The following JAKMIP1 variants were observed in gnomAD, a reference collection of about 807,000 sequenced individuals.
JAKMIP1 encodes janus kinase and microtubule-interacting protein 1.
In JAKMIP1, 33 loss-of-function variants were observed where a neutral mutation model predicts 113.0. The ratio of observed to expected loss-of-function variants is 0.29; its 90% CI spans 0.22 to 0.39. The LOEUF is 0.39. Ranked by LOEUF, JAKMIP1 falls within the 10% of genes least tolerant of loss-of-function variation. The pLI is 1.00. For missense variants in JAKMIP1, 813 were observed against 1,080.5 expected (o/e 0.75, Z 3.47); for synonymous variants, 480 against 459.9 (o/e 1.04, Z -0.56).
At position 6,186,177 on chromosome 4, in the gene JAKMIP1, C is replaced by T. The variant is rs903446145; in HGVS notation, c.-148+14076G>A. On this transcript the variant is annotated intron_variant, in intron 1 of 20. Transcript: ENST00000409021. The surrounding 1 kb of genome is among the most constrained non-coding windows in gnomAD (Gnocchi z 5.5). ...GAAGTGAGGGGAATGCAGGAACAGC[C>T]GACGAGGCTTCCCTGGAGCTTGCCA... Among the ~76,000 whole-genome samples, 4 of 152,112 alleles carry T rather than the reference C, an allele frequency of 2.6e-5. No individual in the cohort carries two copies. The highest frequency in any genetic ancestry group is 2.1e-4 in the South Asian group (1 of 4,818).
chr4:6,138,046 CCAGCTCTGGGGTGA>C lies in JAKMIP1; in HGVS notation c.-147-25063_-147-25050del, dbSNP rs1719516313. Among the ~76,000 whole-genome samples, 3 of 152,278 alleles carry C rather than the reference CCAGCTCTGGGGTGA, an allele frequency of 2.0e-5. No individual in the cohort carries two copies. In the South Asian group the frequency reaches 6.2e-4, roughly 32 times the overall value. ...GGCAGAGGTGGCAGCTCCCGAGAGG[CCAGCTCTGGGGTGA>C]CACTCTGGGGGTCAAGCCTAAGCCC... On this transcript the variant is annotated intron_variant, in intron 1 of 20. Transcript: ENST00000409021. The surrounding 1 kb of genome is among the most constrained non-coding windows in gnomAD (Gnocchi z 6.0).
At chr4:6,084,561 C>T (rs1010083526) in intron 5 of JAKMIP1, among the ~76,000 whole-genome samples, 5 of 151,944 alleles carry the variant, frequency 3.3e-5, no homozygotes, top group South Asian at 2.1e-4. Flanking sequence ...TGATTTTTTT[C>T]GGTTTCGGTT....
At chr4:6,062,027 CTT>C (rs1403215772) in intron 10 of JAKMIP1, among the ~76,000 whole-genome samples, 1 of 152,222 alleles carries the variant, frequency 6.6e-6, no homozygotes. Context: ...GATTTCATCA[CTT>C]AGTGTTAAAT....
chr4:6,147,150 C>T (rs1720952090), intron 1 of JAKMIP1, among the ~76,000 whole-genome samples: 1 of 152,064 alleles, frequency 6.6e-6, no homozygotes. Flanking sequence ...TTAGTAGAGA[C>T]AGGGTTTCAC....
intron 1 of JAKMIP1, among the ~76,000 whole-genome samples, chr4:6,173,819 T>C (rs917477390): frequency 2.6e-5 from 4 of 152,170 alleles, no homozygotes; most frequent in African/African-American, 9.7e-5. Context: ...CTCACGCCTG[T>C]AATCCCAGCA....
intron 1 of JAKMIP1, among the ~76,000 whole-genome samples, chr4:6,198,933 T>G (rs1214069725): frequency 6.6e-6 from 1 of 152,188 alleles, no homozygotes; most frequent in African/African-American, 2.4e-5. Flanking sequence ...ACATTCACTG[T>G]GGGTGGAGCC....
At chr4:6,043,395 G>C (rs918582873) in intron 16 of JAKMIP1, among the ~76,000 whole-genome samples, 1 of 151,852 alleles carries the variant, frequency 6.6e-6, no homozygotes, top group East Asian at 1.9e-4. Flanking sequence ...CCCCGCACTC[G>C]TGAGGTCCTG....
intron 19 of JAKMIP1, among the ~76,000 whole-genome samples, chr4:6,035,547 C>T (rs1013254231): frequency 6.6e-6 from 1 of 152,288 alleles, no homozygotes; most frequent in Non-Finnish European, 1.5e-5. Flanking sequence ...CTCCAATGAG[C>T]CGCCATCACA....
At position 6,105,881 on chromosome 4, in the gene JAKMIP1, G is replaced by A; in HGVS notation, c.216C>T (p.Leu72=). ...QRRHTAYISE[L]KAKLHEEKTK... is the part of the protein sequence containing the mutation. The stretch of plus-strand genomic sequence containing the variant: ...TCTTCTCCTCATGCAGCTTGGCCTT[G>A]AGCTCCGAAATGTAGGCCGTGTGCC... The change falls in exon 3 of 21, where the codon CTC becomes CTT. Residue 72 remains leucine, a synonymous_variant. Transcript: ENST00000409021. 1 of 1,612,180 alleles carries A rather than the reference G, an allele frequency of 6.2e-7. No homozygotes were observed. The highest frequency in any genetic ancestry group is 8.5e-7 in the Non-Finnish European group (1 of 1,179,860).
At chr4:6,104,931 C>T (rs1165518627) in intron 3 of JAKMIP1, among the ~76,000 whole-genome samples, 3 of 152,164 alleles carry the variant, frequency 2.0e-5, no homozygotes, top group Admixed American at 6.5e-5. Flanking sequence ...ATCCTCAGCC[C>T]GCACCCAGAA....
chr4:6,128,448 G>A (rs1357180410), intron 1 of JAKMIP1, among the ~76,000 whole-genome samples: 2 of 152,180 alleles, frequency 1.3e-5, no homozygotes, highest in African/African-American at 2.4e-5. Context: ...AAGGGACCAG[G>A]AGCGGGGAGG....
At position 6,059,136 on chromosome 4, in the gene JAKMIP1, G is replaced by A. The variant is rs531335749; in HGVS notation, c.1644+1288C>T. On this transcript the variant is annotated intron_variant, in intron 11 of 20. Coordinates refer to ENST00000409021, the MANE Select transcript of JAKMIP1 (RefSeq NM_001099433.2). The surrounding 1 kb of genome is among the most constrained non-coding windows in gnomAD (Gnocchi z 4.8). The stretch of plus-strand genomic sequence containing the variant: ...CTATAGCATGTGAGCTCTGCGTCAC[G>A]ATCCCACCGCATGGAGGATGCAGAC... 7.9e-5 allele frequency among the ~76,000 whole-genome samples: 12 copies of A among 152,316 alleles called. No homozygotes were observed. In the East Asian group the frequency reaches 9.6e-4, roughly 12 times the overall value.
intron 3 of JAKMIP1, among the ~76,000 whole-genome samples, chr4:6,091,452 C>T (rs991215405): frequency 2.0e-5 from 3 of 152,220 alleles, no homozygotes; most frequent in African/African-American, 4.8e-5. Context: ...CTATAAGCTG[C>T]TACATGCTTT....
chr4:6,114,131 G>A (rs768488676), intron 1 of JAKMIP1, among the ~76,000 whole-genome samples: 5 of 152,210 alleles, frequency 3.3e-5, no homozygotes, highest in African/African-American at 9.7e-5. Context: ...TCAGTGAGTC[G>A]TGGCGTTGGG....
chr4:6,116,895 G>C lies in JAKMIP1; in HGVS notation c.-147-3898C>G, dbSNP rs1307995178. ...ATCACCTGTCACGGGCAGGCGGTGG[G>C]GAGGGCAAACTGCCAGACCACGTGG... On this transcript the variant is annotated intron_variant, in intron 1 of 20. Transcript: ENST00000409021. The surrounding 1 kb of genome is among the most constrained non-coding windows in gnomAD (Gnocchi z 5.1). 6.6e-6 allele frequency among the ~76,000 whole-genome samples: 1 copy of C among 152,182 alleles called. No individual in the cohort carries two copies. Among genetic ancestry groups the C allele is most frequent in the Non-Finnish European group, 1.5e-5 (1 of 68,030 alleles).
chr4:6,081,280 T>C lies in JAKMIP1; in HGVS notation c.1101+329A>G, dbSNP rs555238735. Reference sequence around the variant, plus strand: ...GCCCGTTCCCTGTGAGGTCTTTACATGCTGTTATTTCATCCTCTTGATGAT... The same window carrying C: ...GCCCGTTCCCTGTGAGGTCTTTACACGCTGTTATTTCATCCTCTTGATGAT... On this transcript the variant is annotated intron_variant, in intron 6 of 20. Coordinates refer to ENST00000409021, the MANE Select transcript of JAKMIP1 (RefSeq NM_001099433.2). The surrounding 1 kb of genome is among the most constrained non-coding windows in gnomAD (Gnocchi z 4.6). Among the ~76,000 whole-genome samples the C allele has an allele frequency of 5.3e-5, 8 of 152,222 alleles. No homozygotes were observed. Among genetic ancestry groups the C allele is most frequent in the Non-Finnish European group, 1.0e-4 (7 of 68,030 alleles).
chr4:6,171,812 T>G (rs780363508), intron 1 of JAKMIP1, among the ~76,000 whole-genome samples: 1 of 152,228 alleles, frequency 6.6e-6, no homozygotes, highest in Non-Finnish European at 1.5e-5. Flanking sequence ...GCTGAATGTG[T>G]TGACAATCCC....
chr4:6,086,968 T>C lies in JAKMIP1; in HGVS notation c.625-1339A>G, dbSNP rs1456543928. ...ACAGCCTTAGGGGGAAGTGTGGGCA[T>C]GCAGACACCTTGATTTCAATCTCCT... is the stretch of plus-strand genomic sequence containing the variant. On this transcript the variant is annotated intron_variant, in intron 3 of 20. Coordinates refer to ENST00000409021, the MANE Select transcript of JAKMIP1 (RefSeq NM_001099433.2). The surrounding 1 kb of genome is among the most constrained non-coding windows in gnomAD (Gnocchi z 4.1). Among the ~76,000 whole-genome samples the C allele has an allele frequency of 6.6e-6, 1 of 152,130 alleles. No individual in the cohort carries two copies. Among genetic ancestry groups the C allele is most frequent in the South Asian group, 2.1e-4 (1 of 4,806 alleles).
intron 1 of JAKMIP1, among the ~76,000 whole-genome samples, chr4:6,163,053 C>A (rs1723153065): frequency 6.6e-6 from 1 of 152,234 alleles, no homozygotes; most frequent in Non-Finnish European, 1.5e-5. Flanking sequence ...AAGAAAACAG[C>A]TGTACCCATG....
Sources: gnomAD v4.1 joint callset for allele counts (sites outside exome capture counted in the v4.1 genomes callset) on GRCh38, gnomAD v4.1.1 for gene constraint, Gnocchi (gnomAD v3.1) non-coding constraint, MANE v1.5 for transcripts, NCBI Gene and HGNC (gene_info 2026-07-23, HGNC 2026-07-21) for gene names.